The following ULK4 variants were observed in gnomAD, a reference collection of about 807,000 sequenced individuals.
The protein encoded by ULK4 is unc-51 like kinase 4.
ULK4 carries 133 observed loss-of-function variants against 160.6 expected under a neutral mutation model. The ratio of observed to expected loss-of-function variants is 0.83; its 90% CI spans 0.72 to 0.96. The LOEUF is 0.96. Among genes scored for constraint, ULK4 ranks in the 40% least tolerant of loss-of-function variants. ULK4 has a pLI of 0.00. For synonymous variants in ULK4, 534 were observed against 539.8 expected, an observed-to-expected ratio of 0.99 and a Z score of 0.15; for missense variants, 1,580 against 1,499.5, an observed-to-expected ratio of 1.05 and a Z score of -0.89.
At chr3:41,450,754 C>A (rs1268457489) in intron 34 of ULK4, among the ~76,000 whole-genome samples, 1 of 152,122 alleles carries the variant, frequency 6.6e-6, no homozygotes, top group Non-Finnish European at 1.5e-5. Flanking sequence ...TCCTCAATAG[C>A]CTTATTACTA....
chr3:41,764,419 A>G (rs2039089960), intron 21 of ULK4, among the ~76,000 whole-genome samples: 1 of 152,124 alleles, frequency 6.6e-6, no homozygotes, highest in South Asian at 2.1e-4. Flanking sequence ...TTGAAATCTC[A>G]TTAATAAACA....
At chr3:41,377,386 A>G (rs1225639389) in intron 35 of ULK4, among the ~76,000 whole-genome samples, 1 of 151,304 alleles carries the variant, frequency 6.6e-6, no homozygotes, top group Non-Finnish European at 1.5e-5. Flanking sequence ...ATCTAATTAA[A>G]CTAAAGAGCT....
chr3:41,688,231 TA>T (rs2036163257), intron 27 of ULK4, among the ~76,000 whole-genome samples: 1 of 148,812 alleles, frequency 6.7e-6, no homozygotes, highest in Non-Finnish European at 1.5e-5. Flanking sequence ...CCATTCAGAG[TA>T]GGACCTGAAT....
intron 35 of ULK4, among the ~76,000 whole-genome samples, chr3:41,302,202 A>G (rs1420200103): frequency 1.3e-5 from 2 of 152,266 alleles, no homozygotes; most frequent in South Asian, 2.1e-4. Context: ...AGCAAATGTT[A>G]TAACTTTTTA....
Position 41,725,463 on chromosome 3 carries a change from C to T in ULK4, c.2322-7602G>A, listed in dbSNP as rs573982554. On this transcript the variant is annotated intron_variant, in intron 22 of 36. Transcript: ENST00000301831. Reference sequence around the variant, plus strand: ...CTGATCTCAGACTTCTCCCAGATAGCATTTCTCTGCTTCAGAGAGTCTAAT... The same window carrying T: ...CTGATCTCAGACTTCTCCCAGATAGTATTTCTCTGCTTCAGAGAGTCTAAT... Among the ~76,000 whole-genome samples, 3 of 152,278 alleles carry T rather than the reference C, an allele frequency of 2.0e-5. No individual in the cohort carries two copies. In the East Asian group the frequency reaches 5.8e-4, roughly 29 times the overall value.
At chr3:41,927,951 A>G (rs1022677155) in intron 5 of ULK4, among the ~76,000 whole-genome samples, 7 of 152,164 alleles carry the variant, frequency 4.6e-5, no homozygotes, top group African/African-American at 9.7e-5. Context: ...GATCAATGAG[A>G]CAGAAAATTA....
chr3:41,716,191 C>T (rs1169908299), intron 23 of ULK4, among the ~76,000 whole-genome samples: 4 of 145,678 alleles, frequency 2.7e-5, no homozygotes, highest in South Asian at 4.4e-4. Flanking sequence ...CCAGCCTGGG[C>T]GACAGAGCAA....
At chr3:41,937,230 T>A (rs1673485362) in intron 3 of ULK4, 1 of 582,442 alleles carries the variant, frequency 1.7e-6, no homozygotes. Context: ...GGATATTACA[T>A]CTGGTCAGAG....
chr3:41,534,734 A>C (rs1200087726), intron 32 of ULK4, among the ~76,000 whole-genome samples: 8 of 152,290 alleles, frequency 5.3e-5, no homozygotes, highest in African/African-American at 1.9e-4. Context: ...CTACTAAGAA[A>C]GAAAACATGC....
intron 18 of ULK4, among the ~76,000 whole-genome samples, chr3:41,825,488 C>T (rs531896961): frequency 2.0e-5 from 3 of 152,322 alleles, no homozygotes; most frequent in Admixed American, 6.5e-5. Flanking sequence ...GAGCTGAAAA[C>T]CATGGCACAA....
intron 33 of ULK4, among the ~76,000 whole-genome samples, chr3:41,458,338 C>T (rs1043228265): frequency 3.3e-5 from 5 of 152,108 alleles, no homozygotes; most frequent in African/African-American, 7.2e-5. Flanking sequence ...ACATTGCGAA[C>T]GTGCAACATG....
At chr3:41,824,345 C>G (rs545104736) in intron 18 of ULK4, among the ~76,000 whole-genome samples, 14 of 151,880 alleles carry the variant, frequency 9.2e-5, no homozygotes, top group Admixed American at 2.6e-4. Context: ...GCACACCGAG[C>G]ATAAGACAAA....
chr3:41,721,277 T>G (rs1398627696), intron 22 of ULK4, among the ~76,000 whole-genome samples: 3 of 112,058 alleles, frequency 2.7e-5, no homozygotes, highest in African/African-American at 1.1e-4. Flanking sequence ...TTTTTTTTTT[T>G]TTTTTTTGGG....
chr3:41,616,777 T>C (rs1364808374), intron 30 of ULK4, among the ~76,000 whole-genome samples: 1 of 152,124 alleles, frequency 6.6e-6, no homozygotes, highest in Non-Finnish European at 1.5e-5. Flanking sequence ...GAACCCCATC[T>C]AGACAGAACC....
At chr3:41,483,340 T>C (rs767868610) in intron 32 of ULK4, among the ~76,000 whole-genome samples, 6 of 152,210 alleles carry the variant, frequency 3.9e-5, no homozygotes, top group Non-Finnish European at 8.8e-5. Context: ...TTCAAGATTT[T>C]TTTAGTTTTA....
chr3:41,559,192 C>A (rs62256898), intron 32 of ULK4, among the ~76,000 whole-genome samples: 52,654 of 133,352 alleles, frequency 0.39, 11,913 homozygotes, highest in Middle Eastern at 0.51. Flanking sequence ...CATGTCCCTA[C>A]AAAGGACACG....
chr3:41,939,892 T>C (rs1464427360), intron 2 of ULK4, among the ~76,000 whole-genome samples: 1 of 152,136 alleles, frequency 6.6e-6, no homozygotes, highest in Admixed American at 6.5e-5. Context: ...GCGCACTCCT[T>C]ATGAGAATCT....
intron 30 of ULK4, among the ~76,000 whole-genome samples, chr3:41,625,973 A>C (rs1022521472): frequency 2.6e-5 from 4 of 152,216 alleles, no homozygotes; most frequent in Non-Finnish European, 4.4e-5. Context: ...CCAGATGGGT[A>C]AACTAAAATA....
chr3:41,592,572 T>A (rs898996196), intron 31 of ULK4, among the ~76,000 whole-genome samples: 1 of 152,148 alleles, frequency 6.6e-6, no homozygotes, highest in African/African-American at 2.4e-5. Flanking sequence ...ATAAAAAAAT[T>A]TTTTTAAATA....
Sources: allele counts gnomAD v4.1 joint callset (sites outside exome capture counted in the v4.1 genomes callset), GRCh38; gene constraint gnomAD v4.1.1; transcripts MANE v1.5; gene names NCBI Gene and HGNC (gene_info 2026-07-23, HGNC 2026-07-21).